The following CRPPA variants were observed in gnomAD, a reference collection of about 807,000 sequenced individuals.
The protein encoded by CRPPA is CDP-L-ribitol pyrophosphorylase A.
In CRPPA, 43 loss-of-function variants were observed where a neutral mutation model predicts 52.0. That is an observed-to-expected ratio of 0.83 (90% CI 0.65 to 1.07). The LOEUF (loss-of-function observed/expected upper bound fraction) is 1.07, where lower values mean the gene tolerates loss of function less well. CRPPA is among the 50% of genes least tolerant of loss of function. The probability of loss-of-function intolerance (pLI) is 0.00; values close to 1 mark genes in which losing one functional copy is unlikely to be tolerated. For missense variants in CRPPA, 629 were observed against 551.7 expected, an observed-to-expected ratio of 1.14 and a Z score of -1.40; for synonymous variants, 250 against 203.5, an observed-to-expected ratio of 1.23 and a Z score of -1.94.
intron 9 of CRPPA, among the ~76,000 whole-genome samples, chr7:16,215,227 C>CT (rs1301900420): frequency 6.6e-6 from 1 of 152,148 alleles, no homozygotes; most frequent in African/African-American, 2.4e-5. Flanking sequence ...TACCAAATTA[C>CT]TTTTGAGACC....
chr7:16,212,178 G>T (rs1194341494), intron 9 of CRPPA, among the ~76,000 whole-genome samples: 1 of 152,126 alleles, frequency 6.6e-6, no homozygotes, highest in African/African-American at 2.4e-5. Flanking sequence ...GAGGGTAAGA[G>T]AGTGCCTCTG....
At chr7:16,351,437 G>A (rs1786149630) in intron 3 of CRPPA, among the ~76,000 whole-genome samples, 1 of 152,138 alleles carries the variant, frequency 6.6e-6, no homozygotes, top group Non-Finnish European at 1.5e-5. Flanking sequence ...AAGAGCTTCT[G>A]CACAGCAAAA....
chr7:16,116,491 C>A (rs1393527549), intron 9 of CRPPA, among the ~76,000 whole-genome samples: 1 of 151,866 alleles, frequency 6.6e-6, no homozygotes, highest in African/African-American at 2.4e-5. Context: ...ATGGCGAAAC[C>A]CCATCTCTAC....
intron 3 of CRPPA, among the ~76,000 whole-genome samples, chr7:16,313,314 C>G (rs1181115183): frequency 6.6e-6 from 1 of 151,920 alleles, no homozygotes; most frequent in Admixed American, 6.6e-5. Context: ...TTTCAATGAA[C>G]TGGTCCATTT....
chr7:16,353,836 T>G (rs1239217631), intron 3 of CRPPA, among the ~76,000 whole-genome samples: 11 of 145,072 alleles, frequency 7.6e-5, no homozygotes, highest in Non-Finnish European at 1.5e-5. Flanking sequence ...GATGACAAAG[T>G]GAGACTCCAT....
rs188138883 is a variant in CRPPA, at chr7:16,144,393, T to C, written c.1252-52594A>G. On this transcript the variant is annotated intron_variant, in intron 9 of 9. Coordinates refer to ENST00000407010, the MANE Select transcript of CRPPA (RefSeq NM_001101426.4). ...TGTCTAGAGACATGCCCAAGGGAGC[T>C]GGGAGAAGTCATATGCAGGAGTTCA... is the stretch of plus-strand genomic sequence containing the variant. 4.2e-4 allele frequency among the ~76,000 whole-genome samples: 64 copies of C among 152,270 alleles called. No homozygotes were observed. In the East Asian group the frequency reaches 0.012, roughly 28 times the overall value.
At chr7:16,387,934 T>C (rs1007209686) in intron 2 of CRPPA, among the ~76,000 whole-genome samples, 1 of 152,184 alleles carries the variant, frequency 6.6e-6, no homozygotes, top group Non-Finnish European at 1.5e-5. Flanking sequence ...AAGTATAGTC[T>C]CTTAGAATAG....
chr7:16,302,565 G>A (rs1784812299), intron 4 of CRPPA, among the ~76,000 whole-genome samples: 2 of 152,112 alleles, frequency 1.3e-5, no homozygotes, highest in Non-Finnish European at 1.5e-5. Flanking sequence ...AGATATTTAT[G>A]ATGCAAGTGT....
intron 2 of CRPPA, among the ~76,000 whole-genome samples, chr7:16,396,675 A>G (rs1271653046): frequency 1.3e-5 from 2 of 152,272 alleles, no homozygotes; most frequent in Non-Finnish European, 2.9e-5. Flanking sequence ...AACCAGCCCA[A>G]ATGCCCACCA....
chr7:16,158,257 C>T (rs1449681636), intron 9 of CRPPA, among the ~76,000 whole-genome samples: 5 of 152,112 alleles, frequency 3.3e-5, no homozygotes, highest in African/African-American at 4.8e-5. Context: ...TTCTCTAAAA[C>T]ATTTTTCCTT....
intron 2 of CRPPA, among the ~76,000 whole-genome samples, chr7:16,379,081 T>A (rs1442130349): frequency 6.6e-6 from 1 of 152,214 alleles, no homozygotes; most frequent in East Asian, 1.9e-4. Flanking sequence ...GATGGTAGTT[T>A]CTTTTGCTGT....
chr7:16,333,929 GT>G (rs1284751706), intron 3 of CRPPA, among the ~76,000 whole-genome samples: 2 of 152,154 alleles, frequency 1.3e-5, no homozygotes, highest in African/African-American at 2.4e-5. Context: ...TTTCTATGAT[GT>G]TTGGAAAAAT....
chr7:16,410,828 C>T (rs71540749), intron 1 of CRPPA, among the ~76,000 whole-genome samples: 3,766 of 152,252 alleles, frequency 0.025, 81 homozygotes, highest in Non-Finnish European at 0.037. Context: ...ACTGCCCCTA[C>T]TCCCCGCCAG....
chr7:16,267,836 T>A (rs1195362876), intron 6 of CRPPA, among the ~76,000 whole-genome samples: 2 of 152,072 alleles, frequency 1.3e-5, no homozygotes, highest in African/African-American at 4.8e-5. Flanking sequence ...AAAACAAAAC[T>A]AAACAATAAA....
chr7:16,098,875 A>G (rs1211547554), intron 9 of CRPPA, among the ~76,000 whole-genome samples: 1 of 152,202 alleles, frequency 6.6e-6, no homozygotes, highest in Non-Finnish European at 1.5e-5. Flanking sequence ...AAAACAAAAC[A>G]GCCTCCTCCG....
chr7:16,311,989 T>C (rs183351439), intron 3 of CRPPA, among the ~76,000 whole-genome samples: 2 of 152,198 alleles, frequency 1.3e-5, no homozygotes, highest in East Asian at 3.9e-4. Flanking sequence ...TTATCTATTC[T>C]TTAAGCCAGC....
intron 3 of CRPPA, among the ~76,000 whole-genome samples, chr7:16,332,523 G>C (rs546841787): frequency 2.6e-5 from 4 of 152,226 alleles, no homozygotes; most frequent in African/African-American, 2.4e-5. Context: ...AAGGGCTGCA[G>C]GGAATGATAA....
intron 3 of CRPPA, among the ~76,000 whole-genome samples, chr7:16,317,781 A>G (rs545236476): frequency 9.9e-5 from 15 of 152,240 alleles, no homozygotes; most frequent in Admixed American, 2.0e-4. Flanking sequence ...TTGCTAAATT[A>G]TATGTGAGTT....
intron 3 of CRPPA, among the ~76,000 whole-genome samples, chr7:16,343,247 C>A (rs898910157): frequency 6.6e-6 from 1 of 151,964 alleles, no homozygotes; most frequent in East Asian, 1.9e-4. Context: ...CATGCAACAT[C>A]TAGGGGATGT....
Sources: allele counts gnomAD v4.1 joint callset (sites outside exome capture counted in the v4.1 genomes callset), GRCh38; gene constraint gnomAD v4.1.1; transcripts MANE v1.5; gene names NCBI Gene and HGNC (gene_info 2026-07-23, HGNC 2026-07-21).